TUSC3: variants seen among roughly 807,000 people sequenced by gnomAD.
TUSC3 encodes dolichyl-diphosphooligosaccharide--protein glycosyltransferase subunit TUSC3.
A neutral mutation model predicts 44.8 loss-of-function variants in TUSC3; 45 were observed. The ratio of observed to expected loss-of-function variants is 1.00; its 90% CI spans 0.79 to 1.29. The LOEUF (loss-of-function observed/expected upper bound fraction) is 1.29, where lower values mean the gene tolerates loss of function less well. TUSC3 is among the 50% of genes most tolerant of loss of function. The pLI is 0.00. For synonymous variants in TUSC3, 212 were observed against 152.9 expected, an observed-to-expected ratio of 1.39 and a Z score of -2.85; for missense variants, 519 against 437.9, an observed-to-expected ratio of 1.19 and a Z score of -1.65.
chr8:15,550,276 A>G (rs1039667062), intron 1 of TUSC3, among the ~76,000 whole-genome samples: 3 of 151,766 alleles, frequency 2.0e-5, no homozygotes, highest in African/African-American at 7.2e-5. Context: ...ATAAGACAAT[A>G]TGATGGGTGG....
chr8:15,602,413 G>A (rs1031056076), intron 1 of TUSC3, among the ~76,000 whole-genome samples: 3 of 151,464 alleles, frequency 2.0e-5, no homozygotes, highest in African/African-American at 7.3e-5. Context: ...TTTCCCCACA[G>A]TTTATCAAAT....
the TUSC3 span, among the ~76,000 whole-genome samples, chr8:15,826,326 T>C: frequency 6.6e-6 from 1 of 152,174 alleles, no homozygotes. Flanking sequence ...ATCCTTCATC[T>C]TCCAGACAGC....
intron 5 of TUSC3, among the ~76,000 whole-genome samples, chr8:15,668,178 T>C (rs932243480): frequency 2.0e-5 from 3 of 151,776 alleles, no homozygotes; most frequent in Admixed American, 6.6e-5. Flanking sequence ...AGAAAGTGTT[T>C]AGTAAATATT....
At chr8:15,522,668 T>C (rs1801314199) in intron 2 of TUSC3, among the ~76,000 whole-genome samples, 1 of 151,994 alleles carries the variant, frequency 6.6e-6, no homozygotes, top group South Asian at 2.1e-4. Context: ...CCCTACTCCA[T>C]CTCTACAGAA....
chr8:15,781,924 G>A, the TUSC3 span, among the ~76,000 whole-genome samples: 1 of 152,200 alleles, frequency 6.6e-6, no homozygotes, highest in Non-Finnish European at 1.5e-5. Flanking sequence ...CCAGAGGTCA[G>A]GAGTTCCAGA....
At chr8:15,724,156 CAGTG>C (rs746578132) in intron 6 of TUSC3, among the ~76,000 whole-genome samples, 13 of 152,154 alleles carry the variant, frequency 8.5e-5, no homozygotes, top group East Asian at 1.9e-4. Flanking sequence ...TGTGAGCACA[CAGTG>C]AGAAGCTGGC....
chr8:15,679,096 G>A (rs1025374426), intron 6 of TUSC3, among the ~76,000 whole-genome samples: 1 of 152,068 alleles, frequency 6.6e-6, no homozygotes, highest in Non-Finnish European at 1.5e-5. Flanking sequence ...TGGTAGAACT[G>A]TTTATTTTCT....
At chr8:15,679,189 T>G (rs1178034916) in intron 6 of TUSC3, among the ~76,000 whole-genome samples, 3 of 152,178 alleles carry the variant, frequency 2.0e-5, no homozygotes, top group Admixed American at 1.3e-4. Context: ...CAAAGTACTT[T>G]CCACAGTGGC....
intron 7 of TUSC3, among the ~76,000 whole-genome samples, chr8:15,742,250 A>C (rs1300201951): frequency 3.9e-4 from 1 of 2,536 alleles, no homozygotes; most frequent in African/African-American, 1.1e-3. Context: ...TTTCTCTTGT[A>C]TATGTTAGGC....
At chr8:15,842,872 C>T in the TUSC3 span, among the ~76,000 whole-genome samples, 1 of 152,208 alleles carries the variant, frequency 6.6e-6, no homozygotes, top group East Asian at 1.9e-4. Context: ...ATTCACTTAT[C>T]CTTTCAGCCA....
chr8:15,517,136 G>C (rs1313439986), intron 2 of TUSC3, among the ~76,000 whole-genome samples: 1 of 151,958 alleles, frequency 6.6e-6, no homozygotes. Context: ...AGTACTCCAG[G>C]GATTCTCTAG....
In TUSC3 at chr8:15,473,283, G is replaced by A. The variant is rs139790978; in HGVS notation, n.92-10103G>A. On this transcript the variant is annotated intron_variant and non_coding_transcript_variant, in intron 1 of 5. Transcript: ENST00000503191. ...AAAGTATTATATGATTATTATAAGG[G>A]GTACAACCTTGTGTGTTTACAACAC... 9.2e-3 allele frequency among the ~76,000 whole-genome samples: 1,399 copies of A among 152,164 alleles called. 26 individuals carry two copies. Among genetic ancestry groups the A allele is most frequent in the African/African-American group, 0.032 (1,314 of 41,516 alleles).
At chr8:15,790,060 CACTT>C in the TUSC3 span, among the ~76,000 whole-genome samples, 1 of 151,848 alleles carries the variant, frequency 6.6e-6, no homozygotes. Flanking sequence ...TATTTATACT[CACTT>C]TTAATTATTT....
At chr8:15,827,181 G>C in the TUSC3 span, among the ~76,000 whole-genome samples, 546 of 152,184 alleles carry the variant, frequency 3.6e-3, 4 homozygotes, top group African/African-American at 0.013. Flanking sequence ...GTAACTGATG[G>C]GGTACGCTGG....
At chr8:15,844,037 G>T in the TUSC3 span, among the ~76,000 whole-genome samples, 1 of 152,044 alleles carries the variant, frequency 6.6e-6, no homozygotes, top group Non-Finnish European at 1.5e-5. Context: ...CAATTTCAGC[G>T]AATCTGTAAG....
intron 1 of TUSC3, among the ~76,000 whole-genome samples, chr8:15,449,351 G>A (rs2129120009): frequency 6.6e-6 from 1 of 152,310 alleles, no homozygotes; most frequent in East Asian, 1.9e-4. Flanking sequence ...CTCAAGCGTG[G>A]AGTTTTTTGA....
At chr8:15,470,355 C>T (rs1197162667) in intron 1 of TUSC3, among the ~76,000 whole-genome samples, 2 of 151,632 alleles carry the variant, frequency 1.3e-5, no homozygotes, top group African/African-American at 2.4e-5. Flanking sequence ...AACTAACGTT[C>T]ATGATATAAT....
intron 1 of TUSC3, among the ~76,000 whole-genome samples, chr8:15,467,861 C>T (rs1055319111): frequency 3.9e-5 from 6 of 152,040 alleles, no homozygotes; most frequent in African/African-American, 1.4e-4. Context: ...TCCACAATAC[C>T]TTTCTCTAAT....
chr8:15,462,835 C>G (rs1002626254), intron 1 of TUSC3, among the ~76,000 whole-genome samples: 31 of 152,030 alleles, frequency 2.0e-4, no homozygotes, highest in Non-Finnish European at 8.8e-5. Context: ...AATAATAATT[C>G]TGAGCCACCA....
Sources: gnomAD v4.1 joint callset for allele counts (sites outside exome capture counted in the v4.1 genomes callset) on GRCh38, gnomAD v4.1.1 for gene constraint, MANE v1.5 for transcripts, NCBI Gene and HGNC (gene_info 2026-07-23, HGNC 2026-07-21) for gene names.